Variants in GPR89A observed in about 807,000 individuals in gnomAD.
The protein encoded by GPR89A is G protein-coupled receptor 89A.
GPR89A carries 16 observed loss-of-function variants against 52.0 expected under a neutral mutation model. That is an observed-to-expected ratio of 0.31 (90% CI 0.21 to 0.47). GPR89A has a LOEUF of 0.47. Among genes scored for constraint, GPR89A ranks in the 20% least tolerant of loss-of-function variants. The pLI is 1.00. For missense variants in GPR89A, 135 were observed against 449.4 expected, an observed-to-expected ratio of 0.30 and a Z score of 6.33; for synonymous variants, 55 against 150.9, an observed-to-expected ratio of 0.36 and a Z score of 4.66.
intron 10 of GPR89A, among the ~76,000 whole-genome samples, chr1:145,658,494 G>A (rs1300937107): frequency 1.3e-5 from 2 of 151,226 alleles, no homozygotes; most frequent in African/African-American, 4.9e-5. Flanking sequence ...GGGCATGGAA[G>A]TACATGCTTG....
chr1:145,641,130 T>A (rs1650627690), intron 7 of GPR89A, among the ~76,000 whole-genome samples: 1 of 151,516 alleles, frequency 6.6e-6, no homozygotes, highest in Admixed American at 6.6e-5. Context: ...AACATGCCGT[T>A]ACCACACCCC....
At chr1:145,659,440 C>A (rs1428883293) in intron 10 of GPR89A, among the ~76,000 whole-genome samples, 1 of 152,084 alleles carries the variant, frequency 6.6e-6, no homozygotes, top group Non-Finnish European at 1.5e-5. Context: ...CCGCCTCAGC[C>A]TCCCAAAGTG....
chr1:145,635,067 G>GT (rs1248837667), intron 7 of GPR89A, among the ~76,000 whole-genome samples: 1 of 152,168 alleles, frequency 6.6e-6, no homozygotes, highest in Non-Finnish European at 1.5e-5. Context: ...CTTTTCTGTA[G>GT]TAAGACCCAT....
rs587689323 is a variant in GPR89A at position 145,623,142 on chromosome 1, G to A, written c.295G>A (p.Val99Met). ...GCCTTTTTACATTGGCTATTTTATT[G>A]TGAGCAATATCCGACTACGTAAGTA... ...MVPFYIGYFI[V>M]SNIRLLHKQR... The change falls in exon 4 of 14, where the codon GTG (valine) becomes ATG (methionine). Residue 99 changes from valine to methionine, a missense_variant. Coordinates refer to ENST00000313835, the MANE Select transcript of GPR89A (RefSeq NM_001097612.2). The A allele has an allele frequency of 4.3e-5, 69 of 1,613,032 alleles. No individual in the cohort carries two copies. The Admixed American group carries it at 5.2e-4, about 12-fold the overall frequency.
intron 5 of GPR89A, among the ~76,000 whole-genome samples, chr1:145,627,014 ACTT>A (rs1649558047): frequency 6.6e-6 from 1 of 151,982 alleles, no homozygotes; most frequent in African/African-American, 2.4e-5. Flanking sequence ...CTGTAAAAGT[ACTT>A]CTTGTGCGGT....
intron 10 of GPR89A, among the ~76,000 whole-genome samples, chr1:145,660,539 T>A (rs1652120503): frequency 6.6e-6 from 1 of 151,402 alleles, no homozygotes; most frequent in African/African-American, 2.4e-5. Flanking sequence ...TGGGAGAAAA[T>A]TTTTGCAACC....
intron 10 of GPR89A, among the ~76,000 whole-genome samples, chr1:145,655,091 A>G (rs1651722142): frequency 6.8e-6 from 1 of 146,796 alleles, no homozygotes; most frequent in East Asian, 2.0e-4. Context: ...CTCTTCAGCT[A>G]TTGATATTTG....
intron 5 of GPR89A, among the ~76,000 whole-genome samples, chr1:145,626,623 A>G (rs1372345312): frequency 4.6e-5 from 7 of 151,380 alleles, no homozygotes; most frequent in Non-Finnish European, 8.8e-5. Context: ...GACTGTCCCA[A>G]CAACCAGTAT....
intron 3 of GPR89A, among the ~76,000 whole-genome samples, chr1:145,621,438 T>C (rs1476350768): frequency 7.2e-5 from 11 of 152,184 alleles, no homozygotes; most frequent in African/African-American, 2.7e-4. Flanking sequence ...TTTCTAGAAT[T>C]CTGTTTTATA....
At chr1:145,620,374 C>T (rs1265930549) in intron 3 of GPR89A, among the ~76,000 whole-genome samples, 1 of 152,002 alleles carries the variant, frequency 6.6e-6, no homozygotes, top group Non-Finnish European at 1.5e-5. Context: ...GCCAGCTACT[C>T]ATCTAAATAT....
intron 5 of GPR89A, 134 bp from the exon 6 acceptor site, chr1:145,630,550 CATT>C (rs1187341220): frequency 2.3e-6 from 3 of 1,299,408 alleles, no homozygotes; most frequent in Non-Finnish European, 3.3e-6. Context: ...ATCATCTACA[CATT>C]AATAATTAAA....
At chr1:145,649,275 C>A (rs1423403185) in intron 10 of GPR89A, among the ~76,000 whole-genome samples, 2 of 151,932 alleles carry the variant, frequency 1.3e-5, no homozygotes, top group Non-Finnish European at 2.9e-5. Context: ...TCCTGAGATT[C>A]CTGGTGTCCC....
chr1:145,667,833 C>T (rs1305457343), intron 12 of GPR89A, among the ~76,000 whole-genome samples: 2 of 152,014 alleles, frequency 1.3e-5, no homozygotes, highest in African/African-American at 2.4e-5. Context: ...TAGGGAATCC[C>T]TTCCCCATTT....
intron 5 of GPR89A, among the ~76,000 whole-genome samples, chr1:145,629,144 C>T (rs1649721407): frequency 6.6e-6 from 1 of 152,092 alleles, no homozygotes; most frequent in Non-Finnish European, 1.5e-5. Context: ...CCAAGATTAT[C>T]ACTAGCAATA....
At chr1:145,649,931 T>TC (rs1178302578) in intron 10 of GPR89A, among the ~76,000 whole-genome samples, 1 of 151,414 alleles carries the variant, frequency 6.6e-6, no homozygotes, top group African/African-American at 2.4e-5. Flanking sequence ...GTGCTTTTTT[T>TC]CCCACCCATA....
rs1247153895 is a variant in GPR89A at position 145,665,435 on chromosome 1, GA to G, written c.1006-119del. 27 of 1,253,746 alleles carry G rather than the reference GA, an allele frequency of 2.2e-5. No homozygotes were observed. In the Admixed American group the frequency reaches 2.9e-4, roughly 13 times the overall value. The allele number at this position is 1,253,746 out of a possible 1,614,324, so 77.7% of individuals were successfully genotyped here. ...CTACTTGCTTTCCTCTCTCCCTTAA[GA>G]AAAAAAATCAGGTAGGGTCTAATAA... is the stretch of plus-strand genomic sequence containing the variant. On this transcript the variant is annotated intron_variant, in intron 11 of 13. Coordinates refer to ENST00000313835, the MANE Select transcript of GPR89A (RefSeq NM_001097612.2).
intron 10 of GPR89A, among the ~76,000 whole-genome samples, chr1:145,652,203 G>C (rs200035511): frequency 0.025 from 3,665 of 145,482 alleles, 61 homozygotes; most frequent in South Asian, 0.042. Context: ...TTTTTAGCAT[G>C]AAGGGATGTT....
chr1:145,622,004 T>C (rs1649174723), intron 3 of GPR89A, among the ~76,000 whole-genome samples: 1 of 149,876 alleles, frequency 6.7e-6, no homozygotes, highest in South Asian at 2.1e-4. Flanking sequence ...TGCAGCCACA[T>C]TGGGAAACAG....
chr1:145,617,183 C>T (rs1265988840), intron 2 of GPR89A, among the ~76,000 whole-genome samples: 1 of 152,114 alleles, frequency 6.6e-6, no homozygotes, highest in Admixed American at 6.5e-5. Context: ...AGACCTCTCT[C>T]CCAGAATGCA....
Sources: gnomAD v4.1 joint callset for allele counts (sites outside exome capture counted in the v4.1 genomes callset) on GRCh38, gnomAD v4.1.1 for gene constraint, MANE v1.5 for transcripts, NCBI Gene and HGNC (gene_info 2026-07-23, HGNC 2026-07-21) for gene names.